Variants in FAT3 observed in about 807,000 individuals in gnomAD.
FAT3 encodes the protein protocadherin Fat 3.
In FAT3, 95 loss-of-function variants were observed where a neutral mutation model predicts 310.2. The observed-to-expected ratio is 0.31, with a 90% confidence interval of 0.26 to 0.36. The LOEUF is 0.36. FAT3 is among the 10% of genes least tolerant of loss of function. FAT3 has a pLI of 1.00. For synonymous variants in FAT3, 2,314 were observed against 2,192.9 expected, an observed-to-expected ratio of 1.06 and a Z score of -1.54; for missense variants, 5,408 against 5,715.6, an observed-to-expected ratio of 0.95 and a Z score of 1.74.
intron 4 of FAT3, among the ~76,000 whole-genome samples, chr11:92,712,190 A>C (rs1268589149): frequency 6.6e-6 from 1 of 152,170 alleles, no homozygotes; most frequent in Non-Finnish European, 1.5e-5. Context: ...CATGTTTAAA[A>C]GCAAAATCCC....
intron 3 of FAT3, among the ~76,000 whole-genome samples, chr11:92,628,036 C>A (rs1838397525): frequency 6.6e-6 from 1 of 152,144 alleles, no homozygotes; most frequent in African/African-American, 2.4e-5. Flanking sequence ...ATTTGACACA[C>A]AGGTCAGTAT....
At chr11:92,790,289 G>A in intron 8 of FAT3, 71 bp downstream of exon 8, 1 of 1,480,512 alleles carries the variant, frequency 6.8e-7, no homozygotes. Context: ...TTAGCCTTCA[G>A]AAGTATAGGG....
chr11:92,751,874 G>T (rs1228338018), intron 4 of FAT3, among the ~76,000 whole-genome samples: 2 of 152,066 alleles, frequency 1.3e-5, no homozygotes, highest in African/African-American at 4.8e-5. Context: ...CGGCTGAATG[G>T]CCTTGAGAAT....
chr11:92,484,589 G>A (rs927035182), intron 2 of FAT3, among the ~76,000 whole-genome samples: 6 of 152,150 alleles, frequency 3.9e-5, no homozygotes, highest in Non-Finnish European at 5.9e-5. Flanking sequence ...TAAAACATTG[G>A]ATGATGGAAG....
rs942188112 is a variant in FAT3 at position 92,296,414 on chromosome 11, G to A, written c.-17-55682G>A. ...GGCTAAATGAGACAATGTACACAAA[G>A]AGGAAACACTTCATTATACTAGGTA... On this transcript the variant is annotated intron_variant, in intron 1 of 27. Transcript: ENST00000525166. Among the ~76,000 whole-genome samples, 5 of 152,044 alleles carry A rather than the reference G, an allele frequency of 3.3e-5. No individual in the cohort carries two copies. The South Asian group carries it at 1.0e-3, about 32-fold the overall frequency.
chr11:92,473,696 G>C (rs1199088446), intron 2 of FAT3, among the ~76,000 whole-genome samples: 6 of 152,152 alleles, frequency 3.9e-5, no homozygotes, highest in African/African-American at 1.4e-4. Flanking sequence ...CTTAAAGCCA[G>C]GGTCCCAATC....
Position 92,803,174 on chromosome 11 carries a change from G to T in FAT3, c.8896+1265G>T, listed in dbSNP as rs559847663. ...ATTCTGAAGGGTCCTTTTCTATTTG[G>T]AGAAACTGTAAAATACTCAGCCTTA... On this transcript the variant is annotated intron_variant, in intron 10 of 27. Coordinates refer to ENST00000525166, the MANE Select transcript of FAT3 (RefSeq NM_001367949.2). 9.2e-5 allele frequency among the ~76,000 whole-genome samples: 14 copies of T among 152,126 alleles called. 1 individual carries two copies. The highest frequency in any genetic ancestry group is 6.8e-3 in the Middle Eastern group (2 of 294).
chr11:92,880,566 T>G (rs958714941), intron 22 of FAT3, among the ~76,000 whole-genome samples, 165 bp from the exon 23 acceptor site: 5 of 151,978 alleles, frequency 3.3e-5, no homozygotes, highest in Admixed American at 6.6e-5. Context: ...CTTGGCATTT[T>G]TGTGGCAAGA....
At chr11:92,869,395 T>C (rs1381940546) in intron 22 of FAT3, among the ~76,000 whole-genome samples, 2 of 152,206 alleles carry the variant, frequency 1.3e-5, no homozygotes, top group Non-Finnish European at 2.9e-5. Context: ...AGCAAACTCC[T>C]TGCCACTCAC....
At chr11:92,702,335 A>C (rs371269052) in intron 4 of FAT3, among the ~76,000 whole-genome samples, 3 of 152,198 alleles carry the variant, frequency 2.0e-5, no homozygotes, top group East Asian at 1.9e-4. Flanking sequence ...TCACTCCTCA[A>C]TGAGACCTTG....
In FAT3 at chr11:92,730,789, C is replaced by G. The variant is rs369952103; in HGVS notation, c.3670-31067C>G. Among the ~76,000 whole-genome samples the G allele has an allele frequency of 8.5e-5, 13 of 152,170 alleles. No homozygotes were observed. In the South Asian group the frequency reaches 2.5e-3, roughly 29 times the overall value. On this transcript the variant is annotated intron_variant, in intron 4 of 27. Coordinates refer to ENST00000525166, the MANE Select transcript of FAT3 (RefSeq NM_001367949.2). ...ATTTCTTGTAATTTCTGAAAAATGC[C>G]CATTTATGTCTTGAGACTATTCCAT...
chr11:92,422,112 A>G (rs1950544294), intron 2 of FAT3, among the ~76,000 whole-genome samples: 1 of 152,124 alleles, frequency 6.6e-6, no homozygotes, highest in Non-Finnish European at 1.5e-5. Flanking sequence ...CATCAGGGAG[A>G]CGCACATGTC....
chr11:92,531,113 C>T (rs1218358390), intron 3 of FAT3, among the ~76,000 whole-genome samples: 3 of 152,260 alleles, frequency 2.0e-5, no homozygotes, highest in East Asian at 3.9e-4. Context: ...GATAATGTAG[C>T]GAATGAGTAT....
chr11:92,329,013 A>T (rs1270733679), intron 1 of FAT3, among the ~76,000 whole-genome samples: 1 of 152,200 alleles, frequency 6.6e-6, no homozygotes, highest in African/African-American at 2.4e-5. Flanking sequence ...AATAAAGAAG[A>T]ATATGAAATA....
At chr11:92,586,245 A>G (rs910975839) in intron 3 of FAT3, among the ~76,000 whole-genome samples, 2 of 152,164 alleles carry the variant, frequency 1.3e-5, no homozygotes, top group African/African-American at 2.4e-5. Flanking sequence ...GTGTATTTAT[A>G]TAAAAGACAT....
At position 92,857,227 on chromosome 11, in the gene FAT3, G is replaced by A. The variant is rs779979255; in HGVS notation, c.11379G>A (p.Pro3793=). 50 of 1,613,834 alleles carry A rather than the reference G, an allele frequency of 3.1e-5. No individual in the cohort carries two copies. The highest frequency in any genetic ancestry group is 6.6e-5 in the South Asian group (6 of 91,080). Reference sequence around the variant, plus strand: ...CCTTTGTCACAGGAGGACTGTGTCCGGGGTCCAACGATCCTTGTGTGGAGA... The same window carrying A: ...CCTTTGTCACAGGAGGACTGTGTCCAGGGTCCAACGATCCTTGTGTGGAGA... ...VRCTCNGGLC[P]GSNDPCVEKP... The change falls in exon 20 of 28, where the codon CCG becomes CCA. Residue 3793 remains proline (P), a synonymous_variant. Transcript: ENST00000525166.
At chr11:92,599,540 C>G (rs1368599329) in intron 3 of FAT3, among the ~76,000 whole-genome samples, 2 of 152,174 alleles carry the variant, frequency 1.3e-5, no homozygotes, top group Admixed American at 6.5e-5. Context: ...GAAATTGTCT[C>G]ACATCCTAGG....
intron 2 of FAT3, among the ~76,000 whole-genome samples, chr11:92,494,257 G>A (rs1041114208): frequency 1.3e-5 from 2 of 151,790 alleles, no homozygotes; most frequent in African/African-American, 2.4e-5. Context: ...CAACATGTGG[G>A]GATTATAATT....
At chr11:92,582,741 A>G (rs10830936) in intron 3 of FAT3, among the ~76,000 whole-genome samples, 53,841 of 151,862 alleles carry the variant, frequency 0.35, 10,334 homozygotes, top group Non-Finnish European at 0.44. Context: ...CCTAGATTCT[A>G]TCTGTTTAAA....
Sources: gnomAD v4.1 joint callset for allele counts (sites outside exome capture counted in the v4.1 genomes callset) on GRCh38, gnomAD v4.1.1 for gene constraint, MANE v1.5 for transcripts, NCBI Gene and HGNC (gene_info 2026-07-23, HGNC 2026-07-21) for gene names.